PTGR1: variants seen among roughly 807,000 people sequenced by gnomAD.
The protein encoded by PTGR1 is prostaglandin reductase 1.
Under a neutral mutation model 37.7 loss-of-function variants are expected in PTGR1, and 23 were observed. The observed-to-expected ratio is 0.61, with a 90% confidence interval of 0.44 to 0.86. PTGR1 has a LOEUF of 0.86. PTGR1 is among the 40% of genes least tolerant of loss of function. The pLI, the probability that PTGR1 is intolerant of heterozygous loss-of-function variation, is 0.00. For missense variants in PTGR1, 351 were observed against 394.3 expected (o/e 0.89, Z 0.93); for synonymous variants, 134 against 140.0 (o/e 0.96, Z 0.30).
chr9:111,557,329 G>A (rs1157088211), intron 9 of PTGR1, among the ~76,000 whole-genome samples: 1 of 151,680 alleles, frequency 6.6e-6, no homozygotes, highest in Non-Finnish European at 1.5e-5. Context: ...AGCCGAGATG[G>A]TGCCACTGCA....
intron 4 of PTGR1, chr9:111,589,219 C>T (rs2132426560): frequency 5.2e-6 from 1 of 192,858 alleles, no homozygotes; most frequent in Admixed American, 6.5e-5. Context: ...ATGAAGAAAA[C>T]TGTTAATGGG....
At chr9:111,586,940 C>G (rs562875675) in intron 4 of PTGR1, among the ~76,000 whole-genome samples, 1 of 151,640 alleles carries the variant, frequency 6.6e-6, no homozygotes, top group South Asian at 2.1e-4. Context: ...CCTGCCTCAG[C>G]AGCTGGGATT....
At chr9:111,561,150 A>AGAGG (rs1554816404), downstream of PTGR1, among the ~76,000 whole-genome samples, 15 of 24,000 alleles carry the variant, frequency 6.3e-4, 1 homozygote, top group African/African-American at 5.2e-3. Context: ...AGAGAGAGGG[A>AGAGG]GAGAGAGAGA....
intron 7 of PTGR1, chr9:111,577,289 T>C (rs1829101115): frequency 6.6e-6 from 1 of 152,270 alleles, no homozygotes; most frequent in East Asian, 1.9e-4. Flanking sequence ...AGGATGGTTA[T>C]AATAAAAAAG....
At chr9:111,597,454 G>A (rs1829816676) in intron 1 of PTGR1, 22 bp from the exon 2 acceptor site, 1 of 1,483,122 alleles carries the variant, frequency 6.7e-7, no homozygotes, top group African/African-American at 1.4e-5. Context: ...TAAATATGTA[G>A]TCAACTGCCA....
intron 4 of PTGR1, among the ~76,000 whole-genome samples, chr9:111,588,475 C>T (rs1478967464): frequency 1.3e-5 from 2 of 151,964 alleles, no homozygotes; most frequent in African/African-American, 4.8e-5. Context: ...TGTGATCTGC[C>T]CGCCTCGGCC....
intron 3 of PTGR1, 100 bp from the exon 4 acceptor site, chr9:111,593,082 A>G (rs1829672934): frequency 6.8e-7 from 1 of 1,464,560 alleles, no homozygotes; most frequent in South Asian, 1.4e-5. Context: ...TTGAGTTTCA[A>G]GCCAAATGAA....
chr9:111,553,001 T>C (rs909353273), intron 9 of PTGR1, among the ~76,000 whole-genome samples: 1 of 152,194 alleles, frequency 6.6e-6, no homozygotes, highest in Non-Finnish European at 1.5e-5. Flanking sequence ...AGCTATTTTA[T>C]AGCTTGCCAG....
intron 9 of PTGR1, among the ~76,000 whole-genome samples, chr9:111,551,767 C>A (rs1463600397): frequency 6.6e-6 from 1 of 152,176 alleles, no homozygotes; most frequent in Non-Finnish European, 1.5e-5. Context: ...CATTTAATAT[C>A]TAGGCAAAAT....
chr9:111,586,906 C>G (rs1327038744), intron 4 of PTGR1, among the ~76,000 whole-genome samples: 1 of 151,650 alleles, frequency 6.6e-6, no homozygotes, highest in Non-Finnish European at 1.5e-5. Context: ...CTGCAACCTT[C>G]ACTTCCTGGG....
intron 8 of PTGR1, among the ~76,000 whole-genome samples, chr9:111,573,784 T>G (rs1014816825): frequency 2.0e-5 from 3 of 152,144 alleles, no homozygotes; most frequent in Non-Finnish European, 4.4e-5. Flanking sequence ...CTCACAGGAC[T>G]GGGATTTAAT....
In PTGR1 at chr9:111,562,967, T is replaced by C; in HGVS notation, c.*154A>G. On this transcript the variant is annotated 3_prime_UTR_variant, in exon 10 of 10. Coordinates refer to ENST00000407693, the MANE Select transcript of PTGR1 (RefSeq NM_001146108.2). ...TGAAACTTCCATCCTCCATCACTAA[T>C]TACATACCACTTAAATGTATTTTAT... 2 of 1,409,492 alleles carry C rather than the reference T, an allele frequency of 1.4e-6. No individual in the cohort carries two copies. The highest frequency in any genetic ancestry group is 1.8e-6 in the Non-Finnish European group (2 of 1,085,052). 87.3% of individuals were successfully genotyped at this position (1,409,492 alleles called of 1,614,324 possible). A position where few individuals can be genotyped will look rare whatever the true frequency, so the allele number is the denominator to read the frequency against.
At chr9:111,564,548 C>T (rs942658648) in intron 9 of PTGR1, among the ~76,000 whole-genome samples, 8 of 151,596 alleles carry the variant, frequency 5.3e-5, no homozygotes, top group African/African-American at 1.9e-4. Flanking sequence ...TCAAGTGATC[C>T]GCCCACCTCA....
At position 111,563,203 on chromosome 9, in the gene PTGR1, A is replaced by G. The variant is rs1219565832; in HGVS notation, c.908T>C (p.Ile303Thr). ...EGKIQYKEYIIEGFENMPAAF... is the reference protein window; with the variant it reads ...EGKIQYKEYITEGFENMPAAF... The stretch of plus-strand genomic sequence containing the variant: ...AGCTGGCATGTTTTCAAATCCTTCA[A>G]TGATATATTCCTTGTACTGGATTTT... The change falls in exon 10 of 10, where the codon ATT (isoleucine) becomes ACT (threonine). Residue 303 changes from isoleucine (I) to threonine (T), a missense_variant. Ile to Thr is a moderately conservative substitution (Grantham distance 89). Coordinates refer to ENST00000407693, the MANE Select transcript of PTGR1 (RefSeq NM_001146108.2). The G allele has an allele frequency of 1.9e-6, 3 of 1,613,882 alleles. No individual in the cohort carries two copies. The highest frequency in any genetic ancestry group is 1.7e-5 in the Admixed American group (1 of 60,016).
intron 4 of PTGR1, among the ~76,000 whole-genome samples, chr9:111,590,199 A>T (rs1829568734): frequency 6.6e-6 from 1 of 152,218 alleles, no homozygotes; most frequent in Non-Finnish European, 1.5e-5. Flanking sequence ...ACAGAAGAAA[A>T]TTGAGAATTA....
intron 4 of PTGR1, among the ~76,000 whole-genome samples, chr9:111,591,403 A>G (rs1428057602): frequency 2.5e-5 from 3 of 122,252 alleles, no homozygotes; most frequent in African/African-American, 6.5e-5. Flanking sequence ...ATGGAGTCTC[A>G]CTCTGTCGCC....
rs543680179 is a variant in PTGR1 at position 111,581,979 on chromosome 9, G to T, written c.495+1493C>A. On this transcript the variant is annotated intron_variant, in intron 6 of 9. Transcript: ENST00000407693. ...ATTCTGGAATATAAAATATGTATAT[G>T]AATAGTAGCAGGATATAAATAAAAC... 3.9e-5 allele frequency among the ~76,000 whole-genome samples: 6 copies of T among 152,098 alleles called. No individual in the cohort carries two copies. In the East Asian group the frequency reaches 1.2e-3, roughly 29 times the overall value.
intron 1 of PTGR1, chr9:111,599,252 C>T (rs1829870324): frequency 6.6e-6 from 1 of 152,376 alleles, no homozygotes; most frequent in Non-Finnish European, 1.5e-5. Context: ...CCCGAATCCC[C>T]ACCCCGATCT....
At chr9:111,557,369 A>G (rs1828154269) in intron 9 of PTGR1, among the ~76,000 whole-genome samples, 1 of 149,526 alleles carries the variant, frequency 6.7e-6, no homozygotes. Context: ...TCGAGACTCC[A>G]TCTCCAGTAA....
Sources: gnomAD v4.1 joint callset for allele counts (sites outside exome capture counted in the v4.1 genomes callset) on GRCh38, gnomAD v4.1.1 for gene constraint, MANE v1.5 for transcripts, NCBI Gene and HGNC (gene_info 2026-07-23, HGNC 2026-07-21) for gene names.